The following COL11A1 variants were observed in gnomAD, a reference collection of about 807,000 sequenced individuals.
COL11A1 encodes the protein collagen alpha-1(XI) chain.
In COL11A1, 74 loss-of-function variants were observed where a neutral mutation model predicts 265.2. The observed-to-expected ratio is 0.28, with a 90% CI of 0.23 to 0.34. COL11A1 has a LOEUF of 0.34. Among genes scored for constraint, COL11A1 ranks in the 10% least tolerant of loss-of-function variants. The pLI, the probability that COL11A1 is intolerant of heterozygous loss-of-function variation, is 1.00. For synonymous variants in COL11A1, 816 were observed against 727.6 expected (o/e 1.12, Z -1.96); for missense variants, 2,165 against 2,263.6 (o/e 0.96, Z 0.88).
chr1:102,944,415 T>C (rs1187414232), intron 42 of COL11A1, among the ~76,000 whole-genome samples: 2 of 152,164 alleles, frequency 1.3e-5, no homozygotes, highest in Non-Finnish European at 2.9e-5. Flanking sequence ...TACCCCTTAG[T>C]TATTCTAAAT....
At chr1:103,053,400 A>G (rs1558003122) in intron 4 of COL11A1, among the ~76,000 whole-genome samples, 1 of 152,222 alleles carries the variant, frequency 6.6e-6, no homozygotes, top group Non-Finnish European at 1.5e-5. Flanking sequence ...CTGACTGGCA[A>G]CAGGATACCT....
intron 41 of COL11A1, among the ~76,000 whole-genome samples, chr1:102,955,936 T>G (rs1391209767): frequency 1.3e-5 from 2 of 152,162 alleles, no homozygotes; most frequent in African/African-American, 4.8e-5. Context: ...TGGATTTGAT[T>G]GGCATCTGTT....
chr1:102,895,033 T>C (rs1410607813), intron 57 of COL11A1, among the ~76,000 whole-genome samples: 1 of 152,170 alleles, frequency 6.6e-6, no homozygotes, highest in Non-Finnish European at 1.5e-5. Flanking sequence ...CCTATACACA[T>C]ATACAAATGT....
intron 52 of COL11A1, 140 bp from the exon 53 acceptor site, chr1:102,913,830 C>CT: frequency 1.2e-6 from 1 of 825,512 alleles, no homozygotes; most frequent in East Asian, 2.6e-5. Flanking sequence ...TTCTTTTAAC[C>CT]TTTTTTAAAA....
intron 5 of COL11A1, among the ~76,000 whole-genome samples, chr1:103,028,342 T>A (rs914151341): frequency 6.6e-6 from 1 of 152,178 alleles, no homozygotes; most frequent in Non-Finnish European, 1.5e-5. Flanking sequence ...CCGGCACATC[T>A]TTCTTTTAGA....
At chr1:102,974,052 T>C (rs954783646) in intron 36 of COL11A1, among the ~76,000 whole-genome samples, 1 of 152,172 alleles carries the variant, frequency 6.6e-6, no homozygotes, top group African/African-American at 2.4e-5. Context: ...ATTTGGTCAG[T>C]GGAACATTTC....
chr1:103,010,740 G>A (rs12078741), intron 14 of COL11A1, among the ~76,000 whole-genome samples: 12,258 of 149,488 alleles, frequency 0.082, 575 homozygotes, highest in African/African-American at 0.13. Flanking sequence ...TAGCTCTGTC[G>A]CCAAGGCTGG....
chr1:102,887,020 A>T lies in COL11A1; in HGVS notation c.4645T>A (p.Leu1549Met). The T allele has an allele frequency of 6.2e-7, 1 of 1,613,894 alleles. No homozygotes were observed. Among genetic ancestry groups the T allele is most frequent in the Non-Finnish European group, 8.5e-7 (1 of 1,179,852 alleles). Residue 1549 changes from leucine to methionine, a missense_variant, in exon 63 of 67, where the codon TTG becomes ATG. Physicochemically the swap from Leu to Met is conservative, Grantham distance 15. Transcript: ENST00000370096. ...PGEVIQPLPI[L>M]SSKKTRRHTE... ...TGTCTTCTCGTTTTTTTGGAGGACAAGATTGGTAAAGGCTGAATGACTTCA... is the reference window on the plus strand; with the variant it reads ...TGTCTTCTCGTTTTTTTGGAGGACATGATTGGTAAAGGCTGAATGACTTCA...
intron 4 of COL11A1, among the ~76,000 whole-genome samples, chr1:103,059,697 G>T (rs116635784): frequency 0.017 from 2,568 of 152,172 alleles, 30 homozygotes; most frequent in South Asian, 0.028. Flanking sequence ...AAAAATAAAT[G>T]CTGTAGATAA....
chr1:103,011,635 T>G (rs1021647959), intron 14 of COL11A1, among the ~76,000 whole-genome samples: 3 of 152,200 alleles, frequency 2.0e-5, no homozygotes, highest in African/African-American at 7.2e-5. Flanking sequence ...TTGCTGCAAG[T>G]GTCTACTATG....
intron 41 of COL11A1, among the ~76,000 whole-genome samples, chr1:102,952,693 G>A (rs2622847): frequency 0.062 from 9,379 of 152,194 alleles, 588 homozygotes; most frequent in African/African-American, 0.16. Flanking sequence ...AAGCCTAGAT[G>A]TTTGTAATAA....
chr1:103,018,744 C>T (rs1666762330), intron 10 of COL11A1, 74 bp downstream of exon 10: 1 of 1,159,602 alleles, frequency 8.6e-7, no homozygotes, highest in Non-Finnish European at 1.3e-6. Flanking sequence ...AAAATGTTCT[C>T]ATTCAGTAAT....
At chr1:102,974,287 A>G (rs1233806845) in intron 36 of COL11A1, among the ~76,000 whole-genome samples, 1 of 152,222 alleles carries the variant, frequency 6.6e-6, no homozygotes, top group African/African-American at 2.4e-5. Context: ...TGCTTGATGA[A>G]CATTCAAGTG....
intron 24 of COL11A1, among the ~76,000 whole-genome samples, chr1:102,999,855 T>A (rs1256437789): frequency 1.3e-5 from 2 of 151,950 alleles, no homozygotes; most frequent in Non-Finnish European, 2.9e-5. Context: ...AGCTTCTACT[T>A]TTTTAATATA....
chr1:103,079,149 A>C (rs1672207556), intron 2 of COL11A1, among the ~76,000 whole-genome samples: 1 of 152,140 alleles, frequency 6.6e-6, no homozygotes, highest in Non-Finnish European at 1.5e-5. Flanking sequence ...TTATGATACC[A>C]GTAAATATCA....
At chr1:102,970,158 T>C in intron 37 of COL11A1, 61 bp downstream of exon 37, 4 of 1,318,034 alleles carry the variant, frequency 3.0e-6, no homozygotes, top group Non-Finnish European at 4.4e-6. Context: ...TAGCTTTCTA[T>C]GTATGAACTG....
chr1:102,978,812 GA>G (rs760985656), intron 34 of COL11A1, 47 bp downstream of exon 34: 5 of 1,613,514 alleles, frequency 3.1e-6, no homozygotes, highest in Non-Finnish European at 4.2e-6. Context: ...CATCTGCCTG[GA>G]AAAAAAATCT....
At chr1:102,955,785 T>C (rs1375530927) in intron 41 of COL11A1, among the ~76,000 whole-genome samples, 1 of 152,186 alleles carries the variant, frequency 6.6e-6, no homozygotes, top group African/African-American at 2.4e-5. Flanking sequence ...AGAAAACATT[T>C]ACTCAGTTTA....
chr1:102,999,842 A>G (rs975131362), intron 24 of COL11A1, among the ~76,000 whole-genome samples: 1 of 151,918 alleles, frequency 6.6e-6, no homozygotes, highest in Non-Finnish European at 1.5e-5. Context: ...AAACAAAAGT[A>G]ATAGCTTCTA....
Sources: gnomAD v4.1 joint callset for allele counts (sites outside exome capture counted in the v4.1 genomes callset) on GRCh38, gnomAD v4.1.1 for gene constraint, MANE v1.5 for transcripts, NCBI Gene and HGNC (gene_info 2026-07-23, HGNC 2026-07-21) for gene names.